The following DOCK1 variants were observed in gnomAD, a reference collection of about 807,000 sequenced individuals.
The protein encoded by DOCK1 is dedicator of cytokinesis protein 1.
A neutral mutation model predicts 262.7 loss-of-function variants in DOCK1; 138 were observed. The observed-to-expected ratio is 0.53, with a 90% CI of 0.46 to 0.61. DOCK1 has a LOEUF of 0.61. Ranked by LOEUF, DOCK1 falls within the 20% of genes least tolerant of loss-of-function variation. The pLI is 0.00. For missense variants in DOCK1, 1,908 were observed against 2,370.7 expected, an observed-to-expected ratio of 0.80 and a Z score of 4.05; for synonymous variants, 866 against 867.4, an observed-to-expected ratio of 1.00 and a Z score of 0.03.
chr10:127,175,899 C>G lies in DOCK1; in HGVS notation c.2847+48135C>G. Reference sequence around the variant, plus strand: ...AACCAAGGCTGTGGTCTTGTGCACCCGCCCCGCGCCACATGGCCGGGCCTC... The same window carrying G: ...AACCAAGGCTGTGGTCTTGTGCACCGGCCCCGCGCCACATGGCCGGGCCTC... On this transcript the variant is annotated intron_variant, in intron 27 of 51. Coordinates refer to ENST00000623213, the MANE Select transcript of DOCK1 (RefSeq NM_001290223.2). The surrounding 1 kb of genome is among the most constrained non-coding windows in gnomAD (Gnocchi z 6.3). 1 of 1,614,194 alleles carries G rather than the reference C, an allele frequency of 6.2e-7. No individual in the cohort carries two copies. The highest frequency in any genetic ancestry group is 8.5e-7 in the Non-Finnish European group (1 of 1,180,044).
Position 127,096,542 on chromosome 10 carries a change from T to C in DOCK1, c.2446-9689T>C, listed in dbSNP as rs575093293. On this transcript the variant is annotated intron_variant, in intron 23 of 51. Transcript: ENST00000623213. ...TCATACATTATTCAAGAAAAACTTA[T>C]TTTGTATCACCCATAACTCTTCTAA... Among the ~76,000 whole-genome samples the C allele has an allele frequency of 3.8e-4, 58 of 152,268 alleles. 1 individual carries two copies. The South Asian group carries it at 3.9e-3, about 10-fold the overall frequency.
intron 23 of DOCK1, among the ~76,000 whole-genome samples, chr10:127,102,708 C>T (rs1256749126): frequency 2.0e-5 from 3 of 152,038 alleles, no homozygotes; most frequent in Non-Finnish European, 4.4e-5. Flanking sequence ...GGTGTGGTGG[C>T]GGGCACCTGT....
intron 29 of DOCK1, among the ~76,000 whole-genome samples, chr10:127,261,431 CTGTG>C (rs1331509615): frequency 2.8e-5 from 3 of 107,026 alleles, no homozygotes; most frequent in South Asian, 3.2e-4. Flanking sequence ...CCATGCTCAT[CTGTG>C]TGTGTACCTG....
intron 33 of DOCK1, among the ~76,000 whole-genome samples, chr10:127,364,707 A>G (rs1454585300): frequency 6.6e-6 from 1 of 152,090 alleles, no homozygotes; most frequent in Non-Finnish European, 1.5e-5. Flanking sequence ...TTATTTTCAC[A>G]TTATTCCAAC....
intron 30 of DOCK1, among the ~76,000 whole-genome samples, chr10:127,341,868 T>C (rs1159314578): frequency 6.6e-6 from 1 of 152,196 alleles, no homozygotes; most frequent in Non-Finnish European, 1.5e-5. Flanking sequence ...TCGGCTGCAT[T>C]CTGAGAGTCA....
At chr10:127,406,192 C>G (rs2134347157) in intron 40 of DOCK1, among the ~76,000 whole-genome samples, 1 of 152,200 alleles carries the variant, frequency 6.6e-6, no homozygotes, top group South Asian at 2.1e-4. Context: ...ATGTAGGCAC[C>G]AACTCTGGAT....
At chr10:126,974,009 T>C (rs947384568) in intron 2 of DOCK1, among the ~76,000 whole-genome samples, 1 of 152,214 alleles carries the variant, frequency 6.6e-6, no homozygotes, top group Non-Finnish European at 1.5e-5. Context: ...AATTTCTCTT[T>C]CTTGAGCTCA....
chr10:127,017,395 A>G (rs1045542862), intron 12 of DOCK1, among the ~76,000 whole-genome samples: 3 of 152,142 alleles, frequency 2.0e-5, no homozygotes, highest in East Asian at 1.9e-4. Flanking sequence ...ACATACAGAT[A>G]CAGACACAGA....
chr10:127,400,178 C>G (rs2067137659), intron 38 of DOCK1, among the ~76,000 whole-genome samples: 1 of 119,484 alleles, frequency 8.4e-6, no homozygotes, highest in South Asian at 2.5e-4. Context: ...AACTTTTACT[C>G]TCATCAAAAA....
chr10:127,031,735 C>G lies in DOCK1; in HGVS notation c.1710C>G (p.His570Gln). ...YDGTTLRDGE[H>Q]DLIVYKAEAK... The stretch of plus-strand genomic sequence containing the variant: ...GTACCACCCTGCGAGACGGAGAGCA[C>G]GATCTTATCGTCTATAAGGTATCTG... The change falls in exon 17 of 52, where the codon CAC becomes CAG. Residue 570 changes from histidine to glutamine, a missense_variant. By Grantham distance (24) the His-to-Gln change is conservative. Transcript: ENST00000623213. 1 of 1,612,820 alleles carries G rather than the reference C, an allele frequency of 6.2e-7. No homozygotes were observed.
At chr10:127,253,859 C>G (rs1311154846) in intron 28 of DOCK1, among the ~76,000 whole-genome samples, 1 of 117,666 alleles carries the variant, frequency 8.5e-6, no homozygotes, top group Non-Finnish European at 1.7e-5. Context: ...TGGGTGATAG[C>G]ATGAGACCCT....
chr10:127,361,889 T>C (rs1404553439), intron 32 of DOCK1, among the ~76,000 whole-genome samples, 175 bp from the exon 33 acceptor site: 2 of 152,222 alleles, frequency 1.3e-5, no homozygotes, highest in African/African-American at 4.8e-5. Context: ...CCACTTCTTA[T>C]ACTAATGGCT....
chr10:126,919,487 T>C (rs1000522829), intron 1 of DOCK1, among the ~76,000 whole-genome samples: 1 of 152,136 alleles, frequency 6.6e-6, no homozygotes, highest in African/African-American at 2.4e-5. Context: ...TGGCCAGATT[T>C]CTTCACATTA....
At chr10:127,391,575 G>A (rs77259632) in intron 38 of DOCK1, among the ~76,000 whole-genome samples, 1 of 150,586 alleles carries the variant, frequency 6.6e-6, no homozygotes, top group Non-Finnish European at 1.5e-5. Flanking sequence ...GATAAGTCAC[G>A]TTTGCTCCTC....
intron 27 of DOCK1, among the ~76,000 whole-genome samples, chr10:127,213,987 C>G (rs1327149044): frequency 6.6e-6 from 1 of 152,108 alleles, no homozygotes; most frequent in East Asian, 1.9e-4. Flanking sequence ...CTACAGGCAC[C>G]CGCCACCATG....
chr10:127,047,858 A>G (rs1484581300), intron 21 of DOCK1, among the ~76,000 whole-genome samples: 1 of 152,026 alleles, frequency 6.6e-6, no homozygotes, highest in Non-Finnish European at 1.5e-5. Flanking sequence ...GCTCCTCTCT[A>G]TTTCTGAGCA....
chr10:127,072,745 G>C (rs1033060599), intron 23 of DOCK1, among the ~76,000 whole-genome samples: 1 of 152,136 alleles, frequency 6.6e-6, no homozygotes, highest in East Asian at 1.9e-4. Context: ...ACTTTGATGC[G>C]TGTTATCTCT....
At chr10:127,124,646 C>G (rs776182547) in intron 25 of DOCK1, among the ~76,000 whole-genome samples, 2 of 152,198 alleles carry the variant, frequency 1.3e-5, no homozygotes, top group African/African-American at 4.8e-5. Flanking sequence ...TATAGCCATG[C>G]GTCCCAGAGT....
intron 1 of DOCK1, among the ~76,000 whole-genome samples, chr10:126,953,995 G>T (rs1478842831): frequency 1.3e-5 from 2 of 152,166 alleles, no homozygotes; most frequent in South Asian, 4.1e-4. Context: ...ACACACTGTC[G>T]TGGGCGCTTT....
Sources: gnomAD v4.1 joint callset for allele counts (sites outside exome capture counted in the v4.1 genomes callset) on GRCh38, gnomAD v4.1.1 for gene constraint, Gnocchi (gnomAD v3.1) non-coding constraint, MANE v1.5 for transcripts, NCBI Gene and HGNC (gene_info 2026-07-23, HGNC 2026-07-21) for gene names.